The following NEGR1 variants were observed in gnomAD, a reference collection of about 807,000 sequenced individuals.
The protein encoded by NEGR1 is neuronal growth regulator 1.
Under a neutral mutation model 40.9 loss-of-function variants are expected in NEGR1, and 10 were observed. That is an observed-to-expected ratio of 0.24 (90% CI 0.15 to 0.42). The LOEUF (loss-of-function observed/expected upper bound fraction) is 0.42. NEGR1 is among the 10% of genes least tolerant of loss of function. The pLI is 1.00. For synonymous variants in NEGR1, 185 were observed against 166.8 expected (o/e 1.11, Z -0.84); for missense variants, 352 against 438.9 (o/e 0.80, Z 1.77).
At chr1:71,900,851 T>C (rs1661124510) in intron 2 of NEGR1, among the ~76,000 whole-genome samples, 1 of 152,198 alleles carries the variant, frequency 6.6e-6, no homozygotes, top group East Asian at 1.9e-4. Context: ...GGGAAGAGAC[T>C]GAAGCAGAGA....
intron 1 of NEGR1, among the ~76,000 whole-genome samples, chr1:72,239,890 T>C (rs1180040418): frequency 6.6e-6 from 1 of 151,874 alleles, no homozygotes; most frequent in African/African-American, 2.4e-5. Flanking sequence ...TTGATTTTAA[T>C]ATGAGAAATA....
chr1:71,495,259 A>T (rs966204002), intron 6 of NEGR1, among the ~76,000 whole-genome samples: 2 of 152,028 alleles, frequency 1.3e-5, no homozygotes, highest in African/African-American at 4.8e-5. Context: ...TGGGTGGATC[A>T]CTTGAGGTCA....
At chr1:71,777,649 A>C (rs1278103802) in intron 2 of NEGR1, among the ~76,000 whole-genome samples, 1 of 152,064 alleles carries the variant, frequency 6.6e-6, no homozygotes. Flanking sequence ...TTTATGCAAG[A>C]GACATGTTTT....
intron 6 of NEGR1, among the ~76,000 whole-genome samples, chr1:71,463,946 G>T (rs989870745): frequency 6.6e-6 from 1 of 152,104 alleles, no homozygotes; most frequent in Non-Finnish European, 1.5e-5. Context: ...GAATTGTATC[G>T]TCAGGAATCC....
intron 2 of NEGR1, among the ~76,000 whole-genome samples, chr1:71,788,134 T>C (rs1332689369): frequency 2.6e-5 from 4 of 152,170 alleles, no homozygotes; most frequent in African/African-American, 7.2e-5. Flanking sequence ...CATGTTACCT[T>C]ATCTACTTTT....
At chr1:71,851,692 G>T (rs1410225217) in intron 2 of NEGR1, among the ~76,000 whole-genome samples, 1 of 152,042 alleles carries the variant, frequency 6.6e-6, no homozygotes, top group Non-Finnish European at 1.5e-5. Flanking sequence ...AGGGGCAAGA[G>T]AATCATTACA....
intron 2 of NEGR1, among the ~76,000 whole-genome samples, chr1:71,874,738 A>G (rs1436199907): frequency 6.6e-6 from 1 of 152,342 alleles, no homozygotes; most frequent in East Asian, 1.9e-4. Flanking sequence ...AAGATAGTTT[A>G]CACTAAGACT....
chr1:72,230,009 A>G (rs1001819094), intron 1 of NEGR1, among the ~76,000 whole-genome samples: 1 of 152,090 alleles, frequency 6.6e-6, no homozygotes, highest in African/African-American at 2.4e-5. Context: ...GTTCAGTGGG[A>G]GTTCTCTGAT....
At chr1:71,489,582 T>G (rs907288538) in intron 6 of NEGR1, 2 of 151,936 alleles carry the variant, frequency 1.3e-5, no homozygotes, top group Non-Finnish European at 2.9e-5. Context: ...TTAATAATAA[T>G]CCACATAGAT....
intron 1 of NEGR1, among the ~76,000 whole-genome samples, chr1:72,094,950 G>T (rs964556800): frequency 1.3e-5 from 2 of 152,028 alleles, no homozygotes; most frequent in Admixed American, 6.6e-5. Flanking sequence ...ATTTCAACTG[G>T]TGATTTTCCT....
At chr1:71,830,195 A>T (rs1299344063) in intron 2 of NEGR1, among the ~76,000 whole-genome samples, 2 of 151,906 alleles carry the variant, frequency 1.3e-5, no homozygotes, top group Non-Finnish European at 2.9e-5. Flanking sequence ...GTGTTACTGC[A>T]GTGTTACTTT....
At chr1:71,598,798 G>C (rs1649823418) in intron 5 of NEGR1, among the ~76,000 whole-genome samples, 1 of 152,134 alleles carries the variant, frequency 6.6e-6, no homozygotes, top group African/African-American at 2.4e-5. Flanking sequence ...TGATGGTATG[G>C]GGTTACTGTA....
intron 6 of NEGR1, among the ~76,000 whole-genome samples, chr1:71,572,552 A>C (rs1384330338): frequency 6.6e-6 from 1 of 152,166 alleles, no homozygotes; most frequent in African/African-American, 2.4e-5. Flanking sequence ...ATTTTATATC[A>C]CTGCAAAGTC....
intron 1 of NEGR1, among the ~76,000 whole-genome samples, chr1:71,937,073 G>C (rs967482229): frequency 1.3e-5 from 2 of 152,278 alleles, no homozygotes; most frequent in Non-Finnish European, 2.9e-5. Context: ...AAAGCAACAG[G>C]GTGGGCTGCT....
intron 1 of NEGR1, among the ~76,000 whole-genome samples, chr1:72,080,693 GC>G (rs1647958040): frequency 6.6e-6 from 1 of 152,048 alleles, no homozygotes; most frequent in Non-Finnish European, 1.5e-5. Context: ...GCTATGGGCT[GC>G]AATTTTCTCA....
At chr1:72,230,423 T>C (rs1654325844) in intron 1 of NEGR1, among the ~76,000 whole-genome samples, 1 of 152,160 alleles carries the variant, frequency 6.6e-6, no homozygotes, top group South Asian at 2.1e-4. Flanking sequence ...GATTTACTGA[T>C]ATAAGATAAA....
intron 6 of NEGR1, chr1:71,484,880 G>C (rs1646876763): frequency 6.6e-6 from 1 of 151,632 alleles, no homozygotes; most frequent in South Asian, 2.1e-4. Flanking sequence ...AACTCACTAA[G>C]AGCTCTTTGT....
intron 1 of NEGR1, among the ~76,000 whole-genome samples, chr1:72,098,001 G>A (rs759351102): frequency 6.6e-6 from 1 of 152,116 alleles, no homozygotes; most frequent in Non-Finnish European, 1.5e-5. Flanking sequence ...TCTGGCTCCT[G>A]GCTTAAAACC....
Position 71,395,945 on chromosome 1 carries a change from T to C in NEGR1, c.*11501A>G, listed in dbSNP as rs1240330096. The stretch of plus-strand genomic sequence containing the variant: ...AAGAGGAATGACAACTTGGAAAATG[T>C]AGGATAACAGCCTTTATTCATATCA... On this transcript the variant is annotated 3_prime_UTR_variant, in exon 7 of 7. Coordinates refer to ENST00000357731, the MANE Select transcript of NEGR1 (RefSeq NM_173808.3). 6.6e-6 allele frequency: 1 copy of C among 152,180 alleles called. No individual in the cohort carries two copies. The highest frequency in any genetic ancestry group is 1.5e-5 in the Non-Finnish European group (1 of 68,024). The allele number at this position is 152,180 out of a possible 1,614,324, so 9.4% of individuals were successfully genotyped here.
Sources: gnomAD v4.1 joint callset for allele counts (sites outside exome capture counted in the v4.1 genomes callset) on GRCh38, gnomAD v4.1.1 for gene constraint, MANE v1.5 for transcripts, NCBI Gene and HGNC (gene_info 2026-07-23, HGNC 2026-07-21) for gene names.